PKD1L3: variants seen among roughly 807,000 people sequenced by gnomAD.
The protein encoded by PKD1L3 is polycystin 1 like 3, transient receptor potential channel interacting.
In PKD1L3, 239 loss-of-function variants were observed where a neutral mutation model predicts 184.1. The observed-to-expected ratio is 1.30, with a 90% confidence interval of 1.17 to 1.45. The LOEUF (loss-of-function observed/expected upper bound fraction) is 1.45. Among genes scored for constraint, PKD1L3 ranks in the 40% most tolerant of loss-of-function variants. PKD1L3 has a pLI of 0.00. For synonymous variants in PKD1L3, 996 were observed against 778.8 expected, an observed-to-expected ratio of 1.28 and a Z score of -4.64; for missense variants, 2,660 against 2,067.2, an observed-to-expected ratio of 1.29 and a Z score of -5.56.
intron 9 of PKD1L3, 82 bp downstream of exon 9, chr16:71,979,704 C>A: frequency 7.0e-7 from 1 of 1,421,664 alleles, no homozygotes. Context: ...GTTTACATTT[C>A]ATGATACATT....
chr16:71,963,328 C>T lies in PKD1L3; in HGVS notation c.2489G>A (p.Cys830Tyr). 1.3e-6 allele frequency: 2 copies of T among 1,550,718 alleles called. No individual in the cohort carries two copies. The highest frequency in any genetic ancestry group is 1.7e-6 in the Non-Finnish European group (2 of 1,146,538). Residue 830 changes from cysteine (C) to tyrosine (Y), a missense_variant, in exon 16 of 30, where the codon TGT (cysteine) becomes TAT (tyrosine). Physicochemically the swap from Cys to Tyr is radical, Grantham distance 194. Transcript: ENST00000620267. ...CCACTTCCTCTTAACTGCCATGTCA[C>T]AGACAATTACCTGGCTGACATACCT... ...PSWYVSQVIV[C>Y]DMAVKRKWHF...
intron 7 of PKD1L3, among the ~76,000 whole-genome samples, 177 bp downstream of exon 7, chr16:71,981,882 G>A (rs1264250879): frequency 3.3e-5 from 5 of 152,124 alleles, no homozygotes; most frequent in Non-Finnish European, 7.4e-5. Flanking sequence ...GGGAGTCTTG[G>A]CTCACTGGTG....
At chr16:71,973,054 C>T (rs925642685) in intron 12 of PKD1L3, among the ~76,000 whole-genome samples, 4 of 152,216 alleles carry the variant, frequency 2.6e-5, no homozygotes, top group Admixed American at 6.5e-5. Context: ...GGCTTCCACA[C>T]GCTATTTTAT....
At chr16:71,989,234 A>G (rs2040494870) in intron 4 of PKD1L3, among the ~76,000 whole-genome samples, 1 of 152,206 alleles carries the variant, frequency 6.6e-6, no homozygotes, top group Admixed American at 6.5e-5. Flanking sequence ...GGCCCACTGC[A>G]AACTCCGCCT....
intron 2 of PKD1L3, among the ~76,000 whole-genome samples, chr16:71,995,988 A>AT (rs531244210): frequency 9.0e-4 from 136 of 151,794 alleles, no homozygotes; most frequent in South Asian, 8.9e-3. Context: ...GCATTACGCT[A>AT]TTTTTTTTGG....
At chr16:71,934,219 A>C (rs2038095270) in intron 26 of PKD1L3, 94 bp from the exon 27 acceptor site, 2 of 1,163,254 alleles carry the variant, frequency 1.7e-6, no homozygotes, top group South Asian at 2.8e-5. Context: ...GGCAGCCCTG[A>C]GTCCTGTGAG....
intron 28 of PKD1L3, chr16:71,931,084 T>C (rs1173622540): frequency 6.6e-6 from 1 of 152,226 alleles, no homozygotes; most frequent in Non-Finnish European, 1.5e-5. Context: ...TTATTTTTTG[T>C]TTGCTCTATT....
intron 22 of PKD1L3, among the ~76,000 whole-genome samples, chr16:71,945,206 T>A (rs2038520605): frequency 6.9e-6 from 1 of 144,378 alleles, no homozygotes; most frequent in Non-Finnish European, 1.5e-5. Flanking sequence ...ATAGGAATCA[T>A]CTGGGAATTT....
rs116879859 is a variant in PKD1L3 at position 71,938,680 on chromosome 16, G to A, written c.4325-1261C>T. 2.2e-3 allele frequency among the ~76,000 whole-genome samples: 341 copies of A among 152,334 alleles called. 1 individual carries two copies. The highest frequency in any genetic ancestry group is 4.0e-3 in the Non-Finnish European group (274 of 68,036). ...CAGACTCAGCCAGACTTGGGCAGAT[G>A]GCAGGATGACCTGCCTGCAGATAGG... On this transcript the variant is annotated intron_variant, in intron 24 of 29. Coordinates refer to ENST00000620267, the MANE Select transcript of PKD1L3 (RefSeq NM_181536.2).
rs1315625554 is a variant in PKD1L3 at position 71,968,048 on chromosome 16, C to T, written c.2185-41G>A. 28 of 1,470,798 alleles carry T rather than the reference C, an allele frequency of 1.9e-5. 1 individual carries two copies. The highest frequency in any genetic ancestry group is 2.5e-5 in the Non-Finnish European group (27 of 1,074,892). 91.1% of individuals were successfully genotyped at this position (1,470,798 alleles called of 1,614,324 possible). A position where few individuals can be genotyped will look rare whatever the true frequency, so the allele number is the denominator to read the frequency against. On this transcript the variant is annotated intron_variant, in intron 13 of 29. Coordinates refer to ENST00000620267, the MANE Select transcript of PKD1L3 (RefSeq NM_181536.2). ...AACCATGCAACTTACTAGGCCTCCA[C>T]TTGGTATAGTTCCTGCCTCCTCCAG...
At position 71,968,747 on chromosome 16, in the gene PKD1L3, C is replaced by T. The variant is rs375404136; in HGVS notation, c.2185-740G>A. 2.0e-3 allele frequency among the ~76,000 whole-genome samples: 305 copies of T among 152,068 alleles called. 16 individuals carry two copies. In the South Asian group the frequency reaches 0.062, roughly 31 times the overall value. ...AGTAGTTGGGACTACAGACATGCAC[C>T]ACCACAGCCGGCTAATTTTTGTATT... On this transcript the variant is annotated intron_variant, in intron 13 of 29. Transcript: ENST00000620267.
intron 12 of PKD1L3, among the ~76,000 whole-genome samples, chr16:71,972,757 T>C (rs1002354366): frequency 2.0e-5 from 3 of 152,188 alleles, no homozygotes; most frequent in African/African-American, 7.2e-5. Flanking sequence ...TTAGAACAGC[T>C]TGCTGATTTG....
intron 4 of PKD1L3, among the ~76,000 whole-genome samples, chr16:71,987,868 T>C (rs9927968): frequency 0.78 from 118,042 of 152,020 alleles, 46,087 homozygotes; most frequent in South Asian, 0.86. Context: ...TTAGTGACGG[T>C]ATGTGAGGAG....
rs781780943 is a variant in PKD1L3 at position 71,950,229 on chromosome 16, C to T, written c.3272G>A (p.Gly1091Asp). 2 of 1,551,898 alleles carry T rather than the reference C, an allele frequency of 1.3e-6. No homozygotes were observed. Among genetic ancestry groups the T allele is most frequent in the Non-Finnish European group, 1.7e-6 (2 of 1,147,090 alleles). The change falls in exon 20 of 30, where the codon GGT becomes GAT. Residue 1091 changes from glycine to aspartate, a missense_variant. Gly to Asp is a moderately conservative substitution (Grantham distance 94, BLOSUM62 -1). Coordinates refer to ENST00000620267, the MANE Select transcript of PKD1L3 (RefSeq NM_181536.2). The part of the protein sequence containing the change: ...QRLKSHLGTL[G>D]LTQGHQSCDF... ...ACAGGACTGGTGACCCTGGGTGAGACCCAGCGTGCCTAAGTGAGATTTCAG... is the reference window on the plus strand; with the variant it reads ...ACAGGACTGGTGACCCTGGGTGAGATCCAGCGTGCCTAAGTGAGATTTCAG...
chr16:71,982,198 T>G lies in PKD1L3; in HGVS notation c.1004A>C (p.Glu335Ala). Residue 335 changes from glutamate to alanine, a missense_variant, in exon 7 of 30, where the codon GAG (glutamate) becomes GCG (alanine). Coordinates refer to ENST00000620267, the MANE Select transcript of PKD1L3 (RefSeq NM_181536.2). ...LINSLIYLSE[E>A]LLRIPFQNNN... is the part of the protein sequence containing the mutation. ...GTTCTGAAATGGGATCCTGAGTAAC[T>G]CCTCACTCAGGTAAATAAGGGAATT... is the stretch of plus-strand genomic sequence containing the variant. The G allele has an allele frequency of 6.5e-7, 1 of 1,544,368 alleles. No individual in the cohort carries two copies. The highest frequency in any genetic ancestry group is 8.7e-7 in the Non-Finnish European group (1 of 1,143,196).
At chr16:71,961,686 G>A (rs1052265442) in intron 16 of PKD1L3, among the ~76,000 whole-genome samples, 6 of 152,178 alleles carry the variant, frequency 3.9e-5, no homozygotes, top group Admixed American at 3.3e-4. Context: ...ATGAGTAACA[G>A]ACCCAGCCAG....
At chr16:71,950,772 C>T (rs1456941450) in intron 19 of PKD1L3, among the ~76,000 whole-genome samples, 5 of 139,176 alleles carry the variant, frequency 3.6e-5, no homozygotes, top group South Asian at 2.2e-4. Flanking sequence ...CTTGGTCTGT[C>T]GTCCAGGCTG....
chr16:71,961,946 T>G (rs921431353), intron 16 of PKD1L3, among the ~76,000 whole-genome samples: 15 of 152,048 alleles, frequency 9.9e-5, no homozygotes, highest in South Asian at 2.1e-4. Context: ...AAGGACGTGG[T>G]GTTTGGTTGA....
At position 72,000,287 on chromosome 16, in the gene PKD1L3, A is replaced by T. The variant is rs926281882; in HGVS notation, c.-309T>A. 6.6e-6 allele frequency among the ~76,000 whole-genome samples: 1 copy of T among 152,142 alleles called. No individual in the cohort carries two copies. Among genetic ancestry groups the T allele is most frequent in the Non-Finnish European group, 1.5e-5 (1 of 68,028 alleles). On this transcript the variant is annotated 5_prime_UTR_variant, in exon 1 of 30. Transcript: ENST00000620267. The stretch of plus-strand genomic sequence containing the variant: ...GAGTCTAAGCTGCACTGGGTAGAGG[A>T]TGATGAATATCTAACATCTAAGTTA...
Sources: allele counts gnomAD v4.1 joint callset (sites outside exome capture counted in the v4.1 genomes callset), GRCh38; gene constraint gnomAD v4.1.1; transcripts MANE v1.5; gene names NCBI Gene and HGNC (gene_info 2026-07-23, HGNC 2026-07-21).